Variants in LARGE1 observed in about 807,000 individuals in gnomAD.
The protein encoded by LARGE1 is xylosyl- and glucuronyltransferase LARGE1.
LARGE1 carries 43 observed loss-of-function variants against 87.6 expected under a neutral mutation model. The observed-to-expected ratio is 0.49, with a 90% CI of 0.38 to 0.63. The LOEUF (loss-of-function observed/expected upper bound fraction) is 0.63, where lower values mean the gene tolerates loss of function less well. LARGE1 is among the 30% of genes least tolerant of loss of function. LARGE1 has a pLI of 0.00. For missense variants in LARGE1, 802 were observed against 1,000.2 expected, an observed-to-expected ratio of 0.80 and a Z score of 2.67; for synonymous variants, 434 against 394.6, an observed-to-expected ratio of 1.10 and a Z score of -1.18.
At chr22:33,368,937 C>G (rs2064700713) in intron 9 of LARGE1, among the ~76,000 whole-genome samples, 1 of 152,128 alleles carries the variant, frequency 6.6e-6, no homozygotes, top group Admixed American at 6.5e-5. Context: ...GTGGAGGGTC[C>G]TGTCTTGGTG....
the LARGE1 span, among the ~76,000 whole-genome samples, chr22:33,076,201 G>A: frequency 1.3e-4 from 20 of 152,120 alleles, no homozygotes; most frequent in Non-Finnish European, 2.5e-4. Flanking sequence ...TAACTGATTG[G>A]ATAAGATATT....
At chr22:33,204,099 TA>T (rs1392674066) in intron 11 of LARGE1, among the ~76,000 whole-genome samples, 1 of 152,104 alleles carries the variant, frequency 6.6e-6, no homozygotes, top group African/African-American at 2.4e-5. Context: ...ATGGTATGCA[TA>T]TAACATTTGG....
At chr22:33,684,607 C>T (rs924390559) in intron 2 of LARGE1, among the ~76,000 whole-genome samples, 1 of 152,126 alleles carries the variant, frequency 6.6e-6, no homozygotes, top group African/African-American at 2.4e-5. Context: ...AATTGAGAAC[C>T]TAGCTCAGGA....
At chr22:33,547,063 T>TG (rs2077379563) in intron 6 of LARGE1, among the ~76,000 whole-genome samples, 3 of 151,240 alleles carry the variant, frequency 2.0e-5, no homozygotes, top group African/African-American at 7.3e-5. Context: ...CATTTTTTTT[T>TG]CTCTTCTAAG....
intron 9 of LARGE1, among the ~76,000 whole-genome samples, chr22:33,357,215 G>C (rs1468462461): frequency 6.6e-6 from 1 of 152,266 alleles, no homozygotes; most frequent in South Asian, 2.1e-4. Flanking sequence ...ACATGGATAG[G>C]ACTGGAGGCC....
chr22:33,696,097 T>C (rs1440184014), intron 2 of LARGE1, among the ~76,000 whole-genome samples: 1 of 152,212 alleles, frequency 6.6e-6, no homozygotes, highest in Non-Finnish European at 1.5e-5. Flanking sequence ...TGGCATACCA[T>C]GATATTAACG....
intron 11 of LARGE1, among the ~76,000 whole-genome samples, chr22:33,219,556 T>C (rs189860749): frequency 5.0e-4 from 76 of 152,336 alleles, no homozygotes; most frequent in African/African-American, 1.8e-3. Context: ...TCAGGCAGCA[T>C]TGCATAGGTG....
intron 6 of LARGE1, among the ~76,000 whole-genome samples, chr22:33,457,319 T>TC (rs2068177230): frequency 8.0e-6 from 1 of 124,274 alleles, no homozygotes; most frequent in South Asian, 2.8e-4. Context: ...TTTTTTTTTT[T>TC]TTTTGTATTT....
intron 1 of LARGE1, among the ~76,000 whole-genome samples, chr22:33,911,376 C>G (rs1156247846): frequency 1.3e-5 from 2 of 152,124 alleles, no homozygotes; most frequent in East Asian, 3.9e-4. Context: ...TCAGAGAGTG[C>G]TCTTGTAACT....
At chr22:33,483,557 G>C (rs2069426982) in intron 6 of LARGE1, among the ~76,000 whole-genome samples, 1 of 152,164 alleles carries the variant, frequency 6.6e-6, no homozygotes, top group African/African-American at 2.4e-5. Flanking sequence ...TCAAACAGCA[G>C]CTCTAGGCAT....
chr22:33,882,457 C>T (rs2064724609), intron 1 of LARGE1, among the ~76,000 whole-genome samples: 1 of 152,160 alleles, frequency 6.6e-6, no homozygotes, highest in South Asian at 2.1e-4. Flanking sequence ...CAGTTCCACC[C>T]TCAGCAGTGA....
chr22:33,549,414 G>A (rs2077456942), intron 6 of LARGE1, among the ~76,000 whole-genome samples: 1 of 152,180 alleles, frequency 6.6e-6, no homozygotes, highest in Admixed American at 6.5e-5. Context: ...GTAATTTCGA[G>A]GGAAGACCAT....
chr22:33,492,142 G>C (rs1229982719), intron 6 of LARGE1, among the ~76,000 whole-genome samples: 1 of 152,196 alleles, frequency 6.6e-6, no homozygotes, highest in Non-Finnish European at 1.5e-5. Context: ...ATGGGGCCTT[G>C]TCGGCCACTG....
At chr22:33,520,305 G>A (rs933804755) in intron 6 of LARGE1, among the ~76,000 whole-genome samples, 1 of 151,960 alleles carries the variant, frequency 6.6e-6, no homozygotes, top group Admixed American at 6.6e-5. Flanking sequence ...TGAAACCCTG[G>A]GCTAAATCAA....
intron 11 of LARGE1, among the ~76,000 whole-genome samples, chr22:33,246,856 A>G (rs1926783085): frequency 6.6e-6 from 1 of 152,240 alleles, no homozygotes; most frequent in East Asian, 1.9e-4. Context: ...CTTTTAAAAA[A>G]TTAAAGTGAT....
intron 5 of LARGE1, among the ~76,000 whole-genome samples, chr22:33,594,666 G>A (rs1356498926): frequency 6.6e-6 from 1 of 152,156 alleles, no homozygotes; most frequent in Non-Finnish European, 1.5e-5. Flanking sequence ...GAGTGCAATG[G>A]CGCAATCTCA....
At chr22:33,408,814 C>A (rs2066201092) in intron 7 of LARGE1, among the ~76,000 whole-genome samples, 1 of 151,176 alleles carries the variant, frequency 6.6e-6, no homozygotes, top group South Asian at 2.1e-4. Context: ...ATTCAGTAGG[C>A]AGACATTAAA....
At chr22:33,877,765 T>C (rs987487517) in intron 1 of LARGE1, among the ~76,000 whole-genome samples, 6 of 151,620 alleles carry the variant, frequency 4.0e-5, no homozygotes, top group East Asian at 3.9e-4. Context: ...TCTACAAAAA[T>C]ACAAAAATTA....
chr22:33,291,015 G>C (rs1203525931), intron 12 of LARGE1, among the ~76,000 whole-genome samples: 6 of 151,730 alleles, frequency 4.0e-5, no homozygotes, highest in Admixed American at 3.9e-4. Context: ...CTCCAGCCTG[G>C]GCAACAGAGC....
Sources: allele counts gnomAD v4.1 joint callset (sites outside exome capture counted in the v4.1 genomes callset), GRCh38; gene constraint gnomAD v4.1.1; transcripts MANE v1.5; gene names NCBI Gene and HGNC (gene_info 2026-07-23, HGNC 2026-07-21).